KIAA1328: variants seen among roughly 807,000 people sequenced by gnomAD.
KIAA1328 encodes protein hinderin.
In KIAA1328, 52 loss-of-function variants were observed where a neutral mutation model predicts 68.1. That is an observed-to-expected ratio of 0.76 (90% CI 0.61 to 0.96). The LOEUF (loss-of-function observed/expected upper bound fraction) is 0.96, where lower values mean the gene tolerates loss of function less well. Among genes scored for constraint, KIAA1328 ranks in the 40% least tolerant of loss-of-function variants. KIAA1328 has a pLI of 0.00. For synonymous variants in KIAA1328, 232 were observed against 239.4 expected, an observed-to-expected ratio of 0.97 and a Z score of 0.28; for missense variants, 641 against 677.6, an observed-to-expected ratio of 0.95 and a Z score of 0.60.
At chr18:37,062,298 CCA>C (rs1214002670) in intron 6 of KIAA1328, among the ~76,000 whole-genome samples, 1 of 152,184 alleles carries the variant, frequency 6.6e-6, no homozygotes, top group Non-Finnish European at 1.5e-5. Context: ...CATCTACACA[CCA>C]CATACAATGT....
chr18:36,932,550 T>C (rs2050349050), intron 5 of KIAA1328, among the ~76,000 whole-genome samples: 1 of 152,198 alleles, frequency 6.6e-6, no homozygotes, highest in African/African-American at 2.4e-5. Context: ...ATTTCCATAA[T>C]TGACATTTAT....
intron 7 of KIAA1328, among the ~76,000 whole-genome samples, chr18:37,124,051 A>G (rs2058334213): frequency 6.6e-6 from 1 of 152,160 alleles, no homozygotes; most frequent in Non-Finnish European, 1.5e-5. Flanking sequence ...TCCAAACATG[A>G]TGGTTAGTTC....
chr18:37,027,118 A>G (rs761894658), intron 6 of KIAA1328, among the ~76,000 whole-genome samples: 9 of 152,166 alleles, frequency 5.9e-5, no homozygotes, highest in African/African-American at 9.7e-5. Context: ...CCTATTCACA[A>G]TTGCTTCAAA....
chr18:37,008,766 T>C (rs1184944783), intron 6 of KIAA1328, among the ~76,000 whole-genome samples: 1 of 151,870 alleles, frequency 6.6e-6, no homozygotes, highest in African/African-American at 2.4e-5. Flanking sequence ...AATGAAAAAA[T>C]TCAGTGGTGG....
chr18:36,879,972 T>G (rs938266735), intron 4 of KIAA1328, among the ~76,000 whole-genome samples: 1 of 152,180 alleles, frequency 6.6e-6, no homozygotes, highest in African/African-American at 2.4e-5. Flanking sequence ...GGGCTCTGTA[T>G]GTGTGGGATC....
chr18:37,125,136 T>C (rs2058361215), intron 7 of KIAA1328, among the ~76,000 whole-genome samples: 1 of 152,120 alleles, frequency 6.6e-6, no homozygotes, highest in Non-Finnish European at 1.5e-5. Flanking sequence ...GAGACCAGCC[T>C]GGGCAACATG....
intron 7 of KIAA1328, among the ~76,000 whole-genome samples, chr18:37,074,139 T>C (rs1394556953): frequency 6.6e-6 from 1 of 152,232 alleles, no homozygotes; most frequent in Non-Finnish European, 1.5e-5. Context: ...AGTTATTGTC[T>C]AAAAGTTTTT....
At chr18:37,140,192 A>T (rs1195670498) in intron 7 of KIAA1328, among the ~76,000 whole-genome samples, 1 of 151,998 alleles carries the variant, frequency 6.6e-6, no homozygotes, top group African/African-American at 2.4e-5. Flanking sequence ...TTTTTTTATA[A>T]TGCCTTTTCT....
intron 5 of KIAA1328, among the ~76,000 whole-genome samples, chr18:36,948,554 CTTT>C (rs528683320): frequency 3.0e-5 from 4 of 133,782 alleles, no homozygotes; most frequent in Non-Finnish European, 3.2e-5. Flanking sequence ...GCCACCACGC[CTTT>C]TTTTTTTTTT....
downstream of KIAA1328, chr18:37,231,998 G>C (rs2060665911): frequency 6.6e-6 from 1 of 152,180 alleles, no homozygotes; most frequent in Non-Finnish European, 1.5e-5. Flanking sequence ...ATTTAAGCTT[G>C]TTGGATTTAT....
intron 5 of KIAA1328, among the ~76,000 whole-genome samples, chr18:36,933,692 G>T (rs2050396114): frequency 6.6e-6 from 1 of 152,218 alleles, no homozygotes; most frequent in Non-Finnish European, 1.5e-5. Context: ...GATCCAGGGT[G>T]CTTCCTGGCC....
At chr18:37,151,262 G>A (rs2059022423) in intron 7 of KIAA1328, among the ~76,000 whole-genome samples, 1 of 152,096 alleles carries the variant, frequency 6.6e-6, no homozygotes, top group African/African-American at 2.4e-5. Flanking sequence ...AAATACTGCT[G>A]AGACAAATTT....
intron 8 of KIAA1328, among the ~76,000 whole-genome samples, chr18:37,165,356 G>C (rs1279779245): frequency 6.6e-6 from 1 of 151,946 alleles, no homozygotes; most frequent in Non-Finnish European, 1.5e-5. Context: ...GGAAAAGATA[G>C]TCTTTCACCG....
intron 5 of KIAA1328, among the ~76,000 whole-genome samples, chr18:36,949,830 G>C (rs1339014286): frequency 9.3e-5 from 2 of 21,548 alleles, no homozygotes; most frequent in Non-Finnish European, 1.7e-4. Context: ...ACTGTTTTGT[G>C]CTTTATTACC....
chr18:37,089,371 C>CT (rs3085910), intron 7 of KIAA1328, among the ~76,000 whole-genome samples: 2,303 of 95,286 alleles, frequency 0.024, 121 homozygotes, highest in Non-Finnish European at 0.036. Context: ...AAGGTAGTGG[C>CT]TTTTTTTTTT....
chr18:37,151,993 C>G (rs977166806), intron 7 of KIAA1328, among the ~76,000 whole-genome samples: 1 of 149,998 alleles, frequency 6.7e-6, no homozygotes, highest in African/African-American at 2.5e-5. Flanking sequence ...ATGAAGAGAG[C>G]TTCCTTAGGA....
chr18:37,031,966 A>C (rs2054846609), intron 6 of KIAA1328, among the ~76,000 whole-genome samples: 1 of 152,158 alleles, frequency 6.6e-6, no homozygotes, highest in South Asian at 2.1e-4. Flanking sequence ...CAGGAGTTCA[A>C]GACCAGCCTG....
At chr18:37,203,130 T>C (rs1001364221) in intron 9 of KIAA1328, among the ~76,000 whole-genome samples, 4 of 151,520 alleles carry the variant, frequency 2.6e-5, no homozygotes, top group Non-Finnish European at 5.9e-5. Flanking sequence ...TGTATGAAAA[T>C]CATATTCAAA....
chr18:36,927,747 G>C (rs958509808), intron 5 of KIAA1328, among the ~76,000 whole-genome samples: 1 of 151,736 alleles, frequency 6.6e-6, no homozygotes, highest in Non-Finnish European at 1.5e-5. Context: ...GACAGAGTGA[G>C]ACCCTGTCTC....
Sources: gnomAD v4.1 joint callset for allele counts (sites outside exome capture counted in the v4.1 genomes callset) on GRCh38, gnomAD v4.1.1 for gene constraint, MANE v1.5 for transcripts, NCBI Gene and HGNC (gene_info 2026-07-23, HGNC 2026-07-21) for gene names.